CACNA2D3: variants seen among roughly 807,000 people sequenced by gnomAD.
CACNA2D3 encodes the protein calcium voltage-gated channel auxiliary subunit alpha2delta 3.
A neutral mutation model predicts 160.6 loss-of-function variants in CACNA2D3; 60 were observed. That is an observed-to-expected ratio of 0.37 (90% CI 0.30 to 0.46). CACNA2D3 has a LOEUF of 0.46. Ranked by LOEUF, CACNA2D3 falls within the 20% of genes least tolerant of loss-of-function variation. CACNA2D3 has a pLI of 1.00. For synonymous variants in CACNA2D3, 558 were observed against 492.9 expected (o/e 1.13, Z -1.75); for missense variants, 1,205 against 1,365.0 (o/e 0.88, Z 1.85).
At chr3:54,641,103 T>C (rs2106844403) in intron 10 of CACNA2D3, among the ~76,000 whole-genome samples, 1 of 152,000 alleles carries the variant, frequency 6.6e-6, no homozygotes. Flanking sequence ...GAGCCAAATA[T>C]GAATGACTGT....
chr3:54,777,021 T>G (rs773642931), intron 13 of CACNA2D3, among the ~76,000 whole-genome samples: 39 of 152,152 alleles, frequency 2.6e-4, no homozygotes, highest in Non-Finnish European at 5.3e-4. Flanking sequence ...ATGAACACAT[T>G]CCTCTTATTA....
intron 5 of CACNA2D3, among the ~76,000 whole-genome samples, chr3:54,552,430 C>T (rs989157105): frequency 1.3e-5 from 2 of 152,168 alleles, no homozygotes; most frequent in African/African-American, 4.8e-5. Context: ...GCCTTCCCTG[C>T]CATTGCTTTC....
intron 11 of CACNA2D3, among the ~76,000 whole-genome samples, chr3:54,700,181 C>T (rs1438139605): frequency 1.3e-5 from 2 of 152,230 alleles, no homozygotes; most frequent in Non-Finnish European, 2.9e-5. Context: ...CAGTCTATAA[C>T]TCCCAGCTCA....
At chr3:54,744,157 A>G (rs1030820287) in intron 11 of CACNA2D3, among the ~76,000 whole-genome samples, 3 of 152,200 alleles carry the variant, frequency 2.0e-5, no homozygotes, top group Non-Finnish European at 4.4e-5. Context: ...CTGGATCTGA[A>G]TGTGAATAGC....
chr3:54,321,725 C>T (rs899084220), intron 3 of CACNA2D3, among the ~76,000 whole-genome samples: 1 of 152,144 alleles, frequency 6.6e-6, no homozygotes, highest in Admixed American at 6.5e-5. Flanking sequence ...GCATTCTTTA[C>T]TGCCGCCTTG....
intron 4 of CACNA2D3, among the ~76,000 whole-genome samples, chr3:54,489,740 T>G (rs1382982844): frequency 6.6e-6 from 1 of 152,238 alleles, no homozygotes; most frequent in Non-Finnish European, 1.5e-5. Context: ...AAAGCCTTCA[T>G]AAGTGGCTTG....
intron 4 of CACNA2D3, among the ~76,000 whole-genome samples, chr3:54,453,228 A>C (rs543049639): frequency 7.2e-5 from 11 of 152,122 alleles, no homozygotes; most frequent in Non-Finnish European, 1.3e-4. Flanking sequence ...TCTAGGCTCA[A>C]GTTATCTGCC....
At chr3:54,202,764 G>T (rs1701201997) in intron 2 of CACNA2D3, among the ~76,000 whole-genome samples, 1 of 152,188 alleles carries the variant, frequency 6.6e-6, no homozygotes, top group Non-Finnish European at 1.5e-5. Flanking sequence ...ATATGTCCCA[G>T]GAGAGTCCTG....
chr3:54,548,400 A>T (rs1460302123), intron 5 of CACNA2D3, among the ~76,000 whole-genome samples: 1 of 152,218 alleles, frequency 6.6e-6, no homozygotes, highest in African/African-American at 2.4e-5. Flanking sequence ...AATCACTGAC[A>T]TAGGAGGGAG....
At chr3:54,282,448 C>T (rs1702903740) in intron 2 of CACNA2D3, among the ~76,000 whole-genome samples, 1 of 152,200 alleles carries the variant, frequency 6.6e-6, no homozygotes. Context: ...AAGGTAGAGA[C>T]ACCAGAGTAC....
At chr3:54,217,434 T>G (rs1171106059) in intron 2 of CACNA2D3, among the ~76,000 whole-genome samples, 1 of 152,128 alleles carries the variant, frequency 6.6e-6, no homozygotes, top group Non-Finnish European at 1.5e-5. Context: ...ATCCCTGGAA[T>G]TTGTAAAGGT....
chr3:54,827,247 G>A (rs9860460), intron 14 of CACNA2D3, among the ~76,000 whole-genome samples: 1 of 151,978 alleles, frequency 6.6e-6, no homozygotes, highest in South Asian at 2.1e-4. Context: ...TGAAATGTGC[G>A]TAGGCACTTG....
intron 9 of CACNA2D3, among the ~76,000 whole-genome samples, chr3:54,605,495 C>T (rs1224141341): frequency 6.6e-6 from 1 of 152,170 alleles, no homozygotes; most frequent in African/African-American, 2.4e-5. Flanking sequence ...CGAATGCTAC[C>T]ACTCTTAGTG....
chr3:54,829,885 CTTTTTTTTTT>C (rs58291013), intron 14 of CACNA2D3, among the ~76,000 whole-genome samples: 14 of 64,350 alleles, frequency 2.2e-4, no homozygotes, highest in South Asian at 8.2e-4. Context: ...TCTTCTTCAT[CTTTTTTTTTT>C]TTTTTTTTTT....
At chr3:54,402,295 T>A (rs1194338254) in intron 4 of CACNA2D3, among the ~76,000 whole-genome samples, 2 of 152,150 alleles carry the variant, frequency 1.3e-5, no homozygotes, top group Non-Finnish European at 2.9e-5. Flanking sequence ...ATAATTACGA[T>A]GAATGTAAAT....
intron 9 of CACNA2D3, among the ~76,000 whole-genome samples, chr3:54,614,132 T>C (rs776158836): frequency 9.9e-5 from 15 of 152,198 alleles, no homozygotes; most frequent in Non-Finnish European, 2.1e-4. Flanking sequence ...GCTGCAAGGA[T>C]ATTGGGATAA....
intron 2 of CACNA2D3, among the ~76,000 whole-genome samples, chr3:54,198,317 C>T (rs1441608093): frequency 1.3e-5 from 2 of 152,220 alleles, no homozygotes; most frequent in African/African-American, 4.8e-5. Flanking sequence ...CCAACTTGGG[C>T]TTTCTAAGGG....
chr3:54,811,605 C>G (rs2106701507), intron 13 of CACNA2D3, among the ~76,000 whole-genome samples: 1 of 150,958 alleles, frequency 6.6e-6, no homozygotes, highest in Non-Finnish European at 1.5e-5. Flanking sequence ...ACAAGCGATT[C>G]TCCTGCTTCA....
intron 13 of CACNA2D3, among the ~76,000 whole-genome samples, chr3:54,801,098 C>T (rs112700646): frequency 2.0e-5 from 3 of 151,560 alleles, no homozygotes; most frequent in Admixed American, 6.6e-5. Context: ...CAGATTCTAA[C>T]GCCTCAGCCT....
Sources: gnomAD v4.1 joint callset for allele counts (sites outside exome capture counted in the v4.1 genomes callset) on GRCh38, gnomAD v4.1.1 for gene constraint, MANE v1.5 for transcripts, NCBI Gene and HGNC (gene_info 2026-07-23, HGNC 2026-07-21) for gene names.